LARGE1: variants seen among roughly 807,000 people sequenced by gnomAD.
LARGE1 encodes xylosyl- and glucuronyltransferase LARGE1.
In LARGE1, 43 loss-of-function variants were observed where a neutral mutation model predicts 87.6. That is an observed-to-expected ratio of 0.49 (90% CI 0.38 to 0.63). The LOEUF is 0.63. Among genes scored for constraint, LARGE1 ranks in the 30% least tolerant of loss-of-function variants. LARGE1 has a pLI of 0.00. For missense variants in LARGE1, 802 were observed against 1,000.2 expected, an observed-to-expected ratio of 0.80 and a Z score of 2.67; for synonymous variants, 434 against 394.6, an observed-to-expected ratio of 1.10 and a Z score of -1.18.
intron 2 of LARGE1, among the ~76,000 whole-genome samples, chr22:33,659,936 T>C (rs1276403901): frequency 6.6e-6 from 1 of 152,040 alleles, no homozygotes; most frequent in Non-Finnish European, 1.5e-5. Flanking sequence ...ATGAAGACAT[T>C]TTTAGCACCA....
At chr22:33,728,574 A>G (rs111775998) in intron 2 of LARGE1, among the ~76,000 whole-genome samples, 1 of 148,850 alleles carries the variant, frequency 6.7e-6, no homozygotes, top group African/African-American at 2.5e-5. Flanking sequence ...AAAAAAAAAA[A>G]AAAAACCAAC....
intron 6 of LARGE1, among the ~76,000 whole-genome samples, chr22:33,435,384 A>G (rs1156891208): frequency 6.6e-6 from 1 of 152,208 alleles, no homozygotes; most frequent in East Asian, 1.9e-4. Flanking sequence ...GACCTCATTT[A>G]TAAATAACCA....
chr22:33,833,475 C>T (rs2063028856), intron 1 of LARGE1, among the ~76,000 whole-genome samples: 1 of 152,172 alleles, frequency 6.6e-6, no homozygotes, highest in Non-Finnish European at 1.5e-5. Context: ...CACAGGAAGA[C>T]AGCCTTCCAC....
intron 2 of LARGE1, among the ~76,000 whole-genome samples, chr22:33,722,103 A>T (rs2083116829): frequency 6.6e-6 from 1 of 152,094 alleles, no homozygotes; most frequent in African/African-American, 2.4e-5. Context: ...AATACAAAAA[A>T]TTAGCCGGGC....
rs187794629 is a variant in LARGE1, at chr22:33,646,010, A to G, written c.408+4357T>C. Among the ~76,000 whole-genome samples the G allele has an allele frequency of 3.9e-5, 6 of 152,342 alleles. No individual in the cohort carries two copies. The East Asian group carries it at 1.2e-3, about 29-fold the overall frequency. ...TGTTGGTGGGGATGTAAATAAGTTC[A>G]ATCATTGTGGAAGACAATGTGGTGA... On this transcript the variant is annotated intron_variant, in intron 3 of 14. Coordinates refer to ENST00000397394, the MANE Select transcript of LARGE1 (RefSeq NM_133642.5).
chr22:33,629,976 T>A (rs926023908), intron 3 of LARGE1, among the ~76,000 whole-genome samples: 1 of 152,166 alleles, frequency 6.6e-6, no homozygotes, highest in Non-Finnish European at 1.5e-5. Flanking sequence ...AGGCGGCGGA[T>A]CACCTGAGGT....
intron 11 of LARGE1, among the ~76,000 whole-genome samples, chr22:33,176,661 A>T (rs1460570813): frequency 6.6e-6 from 1 of 152,170 alleles, no homozygotes; most frequent in African/African-American, 2.4e-5. Context: ...GAAACAACAG[A>T]TGCTGGAGAG....
At chr22:33,358,192 G>A (rs781321185) in intron 9 of LARGE1, among the ~76,000 whole-genome samples, 2 of 152,188 alleles carry the variant, frequency 1.3e-5, no homozygotes, top group African/African-American at 2.4e-5. Context: ...GCCCTTGGAC[G>A]CAGGTCATAC....
intron 11 of LARGE1, among the ~76,000 whole-genome samples, chr22:33,258,433 G>A (rs1191452264): frequency 6.6e-6 from 1 of 152,340 alleles, no homozygotes; most frequent in South Asian, 2.1e-4. Context: ...CAACTGGGTA[G>A]AGTGTGGTGT....
intron 5 of LARGE1, among the ~76,000 whole-genome samples, chr22:33,584,379 G>A (rs1338817753): frequency 6.6e-6 from 1 of 152,160 alleles, no homozygotes; most frequent in Non-Finnish European, 1.5e-5. Flanking sequence ...TGGCCCCCAA[G>A]GCTCGGCTCA....
chr22:33,717,995 C>T (rs1349802722), intron 2 of LARGE1, among the ~76,000 whole-genome samples: 4 of 152,192 alleles, frequency 2.6e-5, no homozygotes, highest in Non-Finnish European at 4.4e-5. Flanking sequence ...CCTTTCTAAT[C>T]TCCAGGTTCC....
At chr22:33,777,976 C>T (rs1184374700) in intron 1 of LARGE1, among the ~76,000 whole-genome samples, 2 of 152,124 alleles carry the variant, frequency 1.3e-5, no homozygotes, top group Middle Eastern at 3.2e-3. Context: ...CATGACTGGT[C>T]TCATGCTTTA....
At chr22:33,374,283 C>T (rs945584827) in intron 9 of LARGE1, among the ~76,000 whole-genome samples, 2 of 152,204 alleles carry the variant, frequency 1.3e-5, no homozygotes, top group Non-Finnish European at 2.9e-5. Flanking sequence ...ATTGGCTTCT[C>T]ACAAGGAGAA....
chr22:33,365,569 T>A (rs1453085285), intron 9 of LARGE1, among the ~76,000 whole-genome samples: 1 of 152,150 alleles, frequency 6.6e-6, no homozygotes, highest in Non-Finnish European at 1.5e-5. Flanking sequence ...TTTTGTTTAG[T>A]GCTCTCTTGT....
At chr22:33,480,905 T>C (rs2069292685) in intron 6 of LARGE1, among the ~76,000 whole-genome samples, 1 of 152,196 alleles carries the variant, frequency 6.6e-6, no homozygotes, top group Non-Finnish European at 1.5e-5. Flanking sequence ...CTCCACATTT[T>C]ATGTATGATT....
At position 33,337,534 on chromosome 22, in the gene LARGE1, G is replaced by A. The variant is rs1216021689; in HGVS notation, c.1287+112C>T. The A allele has an allele frequency of 3.9e-6, 5 of 1,291,390 alleles. No individual in the cohort carries two copies. The African/African-American group carries it at 7.3e-5, about 19-fold the overall frequency. The allele number at this position is 1,291,390 out of a possible 1,614,324, so 80.0% of individuals were successfully genotyped here. On this transcript the variant is annotated intron_variant, in intron 10 of 14. Transcript: ENST00000397394. ...GTGGACCCTGGGCACCGATGGCGTTGTGTTCACCTAGGTCCTGCCATGAGC... is the reference window on the plus strand; with the variant it reads ...GTGGACCCTGGGCACCGATGGCGTTATGTTCACCTAGGTCCTGCCATGAGC...
intron 11 of LARGE1, among the ~76,000 whole-genome samples, chr22:33,248,566 G>A (rs1308423202): frequency 1.3e-5 from 2 of 152,152 alleles, no homozygotes; most frequent in Non-Finnish European, 2.9e-5. Context: ...CAACATTAAC[G>A]TGTCCTAATC....
intron 1 of LARGE1, among the ~76,000 whole-genome samples, chr22:33,828,695 G>A (rs745672872): frequency 6.6e-6 from 1 of 152,174 alleles, no homozygotes; most frequent in Non-Finnish European, 1.5e-5. Flanking sequence ...AGTCCCTAAC[G>A]TTGTGCCCAA....
chr22:33,669,272 G>A (rs1169312649), intron 2 of LARGE1, among the ~76,000 whole-genome samples: 1 of 152,192 alleles, frequency 6.6e-6, no homozygotes, highest in East Asian at 1.9e-4. Context: ...AGGGAAAACA[G>A]GAAATCTTAA....
Sources: gnomAD v4.1 joint callset for allele counts (sites outside exome capture counted in the v4.1 genomes callset) on GRCh38, gnomAD v4.1.1 for gene constraint, MANE v1.5 for transcripts, NCBI Gene and HGNC (gene_info 2026-07-23, HGNC 2026-07-21) for gene names.